The following ZMIZ1 variants were observed in gnomAD, a reference collection of about 807,000 sequenced individuals.
The protein encoded by ZMIZ1 is zinc finger MIZ-type containing 1.
A neutral mutation model predicts 113.9 loss-of-function variants in ZMIZ1; 17 were observed. The observed-to-expected ratio is 0.15, with a 90% CI of 0.10 to 0.22. The LOEUF (loss-of-function observed/expected upper bound fraction) is 0.22, where lower values mean the gene tolerates loss of function less well. Among genes scored for constraint, ZMIZ1 ranks in the 10% least tolerant of loss-of-function variants. ZMIZ1 has a pLI of 1.00. For synonymous variants in ZMIZ1, 607 were observed against 603.1 expected (o/e 1.01, Z -0.09); for missense variants, 1,059 against 1,477.8 (o/e 0.72, Z 4.65).
chr10:79,209,561 G>T (rs559712129), intron 6 of ZMIZ1, among the ~76,000 whole-genome samples: 1 of 152,382 alleles, frequency 6.6e-6, no homozygotes, highest in South Asian at 2.1e-4. Context: ...CTGGCCAGGC[G>T]GGAACAGCGG....
intron 7 of ZMIZ1, among the ~76,000 whole-genome samples, chr10:79,250,987 G>A (rs1850519029): frequency 1.3e-5 from 2 of 152,150 alleles, no homozygotes; most frequent in Non-Finnish European, 1.5e-5. Flanking sequence ...CAGACCACGC[G>A]CAGGGAGAAG....
chr10:79,121,799 G>T (rs1844302970), intron 2 of ZMIZ1, among the ~76,000 whole-genome samples: 1 of 152,162 alleles, frequency 6.6e-6, no homozygotes, highest in South Asian at 2.1e-4. Context: ...GCCTTGGAAA[G>T]AGGAGAAATT....
chr10:79,266,793 G>A (rs769544040), intron 7 of ZMIZ1, among the ~76,000 whole-genome samples: 17 of 151,922 alleles, frequency 1.1e-4, no homozygotes, highest in South Asian at 2.1e-4. Flanking sequence ...CAGCAGTGAC[G>A]GGTCTACAGG....
intron 7 of ZMIZ1, among the ~76,000 whole-genome samples, chr10:79,246,091 A>G (rs1244341745): frequency 6.6e-6 from 1 of 152,220 alleles, no homozygotes; most frequent in Non-Finnish European, 1.5e-5. Flanking sequence ...TGCTGCGGGG[A>G]AGGAGTAGAC....
At chr10:79,102,755 G>A (rs1243109547) in intron 1 of ZMIZ1, among the ~76,000 whole-genome samples, 5 of 152,190 alleles carry the variant, frequency 3.3e-5, no homozygotes, top group Admixed American at 6.5e-5. Flanking sequence ...ACCTCTCCGC[G>A]GCTCAGTGCC....
chr10:79,290,573 G>A (rs559699158), intron 9 of ZMIZ1, among the ~76,000 whole-genome samples: 22 of 152,292 alleles, frequency 1.4e-4, no homozygotes, highest in African/African-American at 4.6e-4. Context: ...GTGACAAGAC[G>A]CTGGCATCCA....
intron 1 of ZMIZ1, among the ~76,000 whole-genome samples, chr10:79,080,772 G>A (rs564924744): frequency 6.6e-6 from 1 of 152,190 alleles, no homozygotes; most frequent in East Asian, 1.9e-4. Context: ...GACCCCTTTA[G>A]GCAGAAGGAG....
intron 5 of ZMIZ1, among the ~76,000 whole-genome samples, chr10:79,204,190 G>C (rs143859273): frequency 1.2e-3 from 180 of 152,296 alleles, no homozygotes; most frequent in African/African-American, 4.2e-3. Flanking sequence ...CAGGCTGGTA[G>C]GGGCTCACCT....
At chr10:79,307,287 C>T (rs750761646) in intron 22 of ZMIZ1, 118 bp from the exon 23 acceptor site, 3 of 1,062,626 alleles carry the variant, frequency 2.8e-6, no homozygotes, top group Admixed American at 4.3e-5. Context: ...CTGTGACCTA[C>T]TACAGCCTCG....
In ZMIZ1 at chr10:79,307,562, G is replaced by A. The variant is rs777259739; in HGVS notation, c.2826G>A (p.Met942Ile). The stretch of plus-strand genomic sequence containing the variant: ...TCGAGAAACCCCTCAGCCACCCCAT[G>A]CAGGAAACTGTGAGTACCTCCTCCT... The part of the protein sequence containing the change: ...AALEKPLSHP[M>I]QETMPHAGSS... Residue 942 changes from methionine (M) to isoleucine (I), a missense_variant, in exon 23 of 25, where the codon ATG becomes ATA. Met to Ile is a conservative substitution (Grantham distance 10). Coordinates refer to ENST00000334512, the MANE Select transcript of ZMIZ1 (RefSeq NM_020338.4). 1.9e-6 allele frequency: 3 copies of A among 1,608,810 alleles called. No homozygotes were observed. The South Asian group carries it at 3.3e-5, about 18-fold the overall frequency.
chr10:79,292,450 C>T, intron 11 of ZMIZ1, 94 bp downstream of exon 11: 2 of 1,497,970 alleles, frequency 1.3e-6, no homozygotes, highest in Non-Finnish European at 1.8e-6. Context: ...GCTTATGGGG[C>T]CATGTGTGCT....
chr10:79,306,268 C>A lies in ZMIZ1; in HGVS notation c.2592C>A (p.Ala864=). The part of the protein sequence containing the change: ...IMPNVMEMIA[A]LGPGPSPYPL... Reference sequence around the variant, plus strand: ...CCAATGTCATGGAGATGATCGCAGCCCTGGGCCCCGGCCCGTCCCCCTATC... The same window carrying A: ...CCAATGTCATGGAGATGATCGCAGCACTGGGCCCCGGCCCGTCCCCCTATC... Residue 864 remains alanine, a synonymous_variant, in exon 22 of 25, where the codon GCC becomes GCA. Coordinates refer to ENST00000334512, the MANE Select transcript of ZMIZ1 (RefSeq NM_020338.4). The A allele has an allele frequency of 6.2e-7, 1 of 1,614,052 alleles. No homozygotes were observed. The highest frequency in any genetic ancestry group is 8.5e-7 in the Non-Finnish European group (1 of 1,180,004).
At chr10:79,295,538 G>A (rs1423128093) in intron 12 of ZMIZ1, 1 of 152,216 alleles carries the variant, frequency 6.6e-6, no homozygotes, top group African/African-American at 2.4e-5. Flanking sequence ...CTCTAGCTTG[G>A]TGGGCAGGTA....
intron 1 of ZMIZ1, among the ~76,000 whole-genome samples, chr10:79,072,267 C>T (rs897841210): frequency 1.3e-5 from 2 of 152,178 alleles, no homozygotes; most frequent in African/African-American, 4.8e-5. Context: ...CTCCCTCACG[C>T]ACGCGCGCAC....
intron 3 of ZMIZ1, among the ~76,000 whole-genome samples, chr10:79,142,376 A>C (rs951756783): frequency 1.3e-4 from 20 of 152,046 alleles, no homozygotes; most frequent in Admixed American, 6.6e-4. Context: ...GAGGGTCAGG[A>C]GCCTGAATGT....
At position 79,314,916 on chromosome 10, in the gene ZMIZ1, CCAGA is replaced by C. The variant is rs2132126486; in HGVS notation, c.*2173_*2176del. The C allele has an allele frequency of 6.5e-6, 1 of 152,792 alleles. No homozygotes were observed. The highest frequency in any genetic ancestry group is 2.4e-5 in the African/African-American group (1 of 41,582). 9.5% of individuals were successfully genotyped at this position (152,792 alleles called of 1,614,324 possible). ...TGTCAGACCATCTGGGAATTAAGCT[CCAGA>C]CAGACTTACAGATGCCTTCCTTAGG... On this transcript the variant is annotated 3_prime_UTR_variant, in exon 25 of 25. Transcript: ENST00000334512.
intron 4 of ZMIZ1, among the ~76,000 whole-genome samples, chr10:79,163,853 A>G (rs1453952771): frequency 6.6e-6 from 1 of 152,116 alleles, no homozygotes; most frequent in East Asian, 1.9e-4. Context: ...GCAACTCGAT[A>G]AGGCTAGGGG....
intron 1 of ZMIZ1, among the ~76,000 whole-genome samples, chr10:79,079,153 CTGTT>C (rs1206440406): frequency 2.0e-5 from 3 of 152,216 alleles, no homozygotes; most frequent in African/African-American, 7.2e-5. Context: ...GACCACAAAT[CTGTT>C]TGTGGTTGGG....
intron 8 of ZMIZ1, among the ~76,000 whole-genome samples, chr10:79,283,983 TAG>T (rs1481930688): frequency 2.0e-5 from 3 of 152,184 alleles, no homozygotes; most frequent in African/African-American, 7.2e-5. Context: ...GGAAATTAAT[TAG>T]AGTCTGACAA....
Sources: allele counts gnomAD v4.1 joint callset (sites outside exome capture counted in the v4.1 genomes callset), GRCh38; gene constraint gnomAD v4.1.1; transcripts MANE v1.5; gene names NCBI Gene and HGNC (gene_info 2026-07-23, HGNC 2026-07-21).